The following CEP85L variants were observed in gnomAD, a reference collection of about 807,000 sequenced individuals.
CEP85L encodes the protein centrosomal protein 85L.
A neutral mutation model predicts 100.3 loss-of-function variants in CEP85L; 60 were observed. The observed-to-expected ratio is 0.60, with a 90% CI of 0.49 to 0.74. CEP85L has a LOEUF of 0.74. CEP85L is among the 30% of genes least tolerant of loss of function. The pLI is 0.00. For synonymous variants in CEP85L, 319 were observed against 322.7 expected (o/e 0.99, Z 0.12); for missense variants, 973 against 936.2 (o/e 1.04, Z -0.51).
intron 2 of CEP85L, among the ~76,000 whole-genome samples, chr6:118,594,884 A>C (rs1017793886): frequency 5.9e-5 from 9 of 151,532 alleles, no homozygotes; most frequent in African/African-American, 2.2e-4. Flanking sequence ...AACAAAACAA[A>C]AAAAAAAAAC....
At chr6:118,527,934 G>T (rs1374532881) in intron 3 of CEP85L, among the ~76,000 whole-genome samples, 1 of 151,906 alleles carries the variant, frequency 6.6e-6, no homozygotes, top group Non-Finnish European at 1.5e-5. Flanking sequence ...AAATCTTCTA[G>T]GCTAGATTAA....
intron 1 of CEP85L, among the ~76,000 whole-genome samples, chr6:118,649,109 TC>T (rs1775386307): frequency 6.6e-6 from 1 of 152,212 alleles, no homozygotes; most frequent in Non-Finnish European, 1.5e-5. Context: ...CACAAGTTTT[TC>T]ATCTAAGGTA....
chr6:118,572,272 TAAAAAAAAAA>T (rs572307069), intron 2 of CEP85L, among the ~76,000 whole-genome samples: 3 of 107,646 alleles, frequency 2.8e-5, no homozygotes, highest in African/African-American at 3.7e-5. Flanking sequence ...ACCCATTCTT[TAAAAAAAAAA>T]AAAAAAAAAA....
intron 3 of CEP85L, among the ~76,000 whole-genome samples, chr6:118,538,682 C>CA (rs1437485126): frequency 8.4e-6 from 1 of 119,306 alleles, no homozygotes; most frequent in Admixed American, 7.5e-5. Context: ...TTATCCAAGA[C>CA]AGACAGTAAC....
intron 10 of CEP85L, among the ~76,000 whole-genome samples, chr6:118,472,231 C>G (rs1161849423): frequency 6.6e-6 from 1 of 151,914 alleles, no homozygotes; most frequent in Non-Finnish European, 1.5e-5. Flanking sequence ...CTAATATGTC[C>G]CTATGTAAGA....
intron 3 of CEP85L, among the ~76,000 whole-genome samples, chr6:118,535,672 T>A (rs1378934049): frequency 2.0e-5 from 3 of 152,160 alleles, no homozygotes; most frequent in African/African-American, 4.8e-5. Flanking sequence ...GTATATGCTA[T>A]CCACCCACTG....
rs564032548 is a variant in CEP85L, at chr6:118,595,138, C to T, written c.233-28822G>A. On this transcript the variant is annotated intron_variant, in intron 2 of 12. Coordinates refer to ENST00000368491, the MANE Select transcript of CEP85L (RefSeq NM_001042475.3). ...CAAGTGCTGCATACTTCAAAAACAA[C>T]TTCCTCAAACTAATATCTGTGGCAA... Among the ~76,000 whole-genome samples, 7 of 152,316 alleles carry T rather than the reference C, an allele frequency of 4.6e-5. No individual in the cohort carries two copies. In the South Asian group the frequency reaches 1.5e-3, roughly 32 times the overall value.
chr6:118,597,060 C>T (rs2356499), intron 2 of CEP85L, among the ~76,000 whole-genome samples: 1 of 151,478 alleles, frequency 6.6e-6, no homozygotes, highest in African/African-American at 2.4e-5. Context: ...AAATTTTTTT[C>T]CCCCTTTGCT....
intron 1 of CEP85L, among the ~76,000 whole-genome samples, chr6:118,685,441 G>A (rs199552496): frequency 6.6e-5 from 10 of 152,156 alleles, no homozygotes; most frequent in East Asian, 5.8e-4. Context: ...AAGTATTTAC[G>A]TTGATATAAA....
rs56893664 is a variant in CEP85L at position 118,505,409 on chromosome 6, CAAAAAAAAA to C, written c.1257+5880_1257+5888del. ...TGAGCCAAGATCACGTCACTGTACT[CAAAAAAAAA>C]AAAAAAAAAAAAAAAAAAAAGTTAA... On this transcript the variant is annotated intron_variant, in intron 5 of 12. Coordinates refer to ENST00000368491, the MANE Select transcript of CEP85L (RefSeq NM_001042475.3). Among the ~76,000 whole-genome samples the C allele has an allele frequency of 7.4e-4, 53 of 71,820 alleles. 2 individuals are homozygous for C. The highest frequency in any genetic ancestry group is 2.3e-3 in the African/African-American group (41 of 18,060). 47.1% of individuals were successfully genotyped at this position (71,820 alleles called of 152,430 possible).
intron 4 of CEP85L, among the ~76,000 whole-genome samples, chr6:118,518,044 G>A (rs560502412): frequency 1.0e-3 from 158 of 152,272 alleles, no homozygotes; most frequent in African/African-American, 3.3e-3. Context: ...ATTGATATGC[G>A]TATGTTGAAC....
At chr6:118,581,923 A>G (rs979834257) in intron 2 of CEP85L, among the ~76,000 whole-genome samples, 1 of 152,160 alleles carries the variant, frequency 6.6e-6, no homozygotes, top group African/African-American at 2.4e-5. Context: ...TCCAACAGTT[A>G]GATCTTTTCT....
intron 2 of CEP85L, among the ~76,000 whole-genome samples, chr6:118,593,548 G>C (rs980916400): frequency 2.0e-5 from 3 of 151,846 alleles, no homozygotes; most frequent in Admixed American, 1.3e-4. Context: ...CCGCACTAGG[G>C]GGATGATGCT....
chr6:118,687,418 G>C (rs890899810), intron 1 of CEP85L, among the ~76,000 whole-genome samples: 1 of 152,168 alleles, frequency 6.6e-6, no homozygotes, highest in African/African-American at 2.4e-5. Context: ...GGCTGACTAA[G>C]AATCCCTAAG....
chr6:118,660,993 C>A (rs1246952387), intron 1 of CEP85L, among the ~76,000 whole-genome samples: 2 of 151,914 alleles, frequency 1.3e-5, no homozygotes, highest in Non-Finnish European at 2.9e-5. Context: ...TCAGGCAATT[C>A]TCCTGCCTCA....
At chr6:118,571,834 C>G (rs987783949) in intron 2 of CEP85L, among the ~76,000 whole-genome samples, 3 of 151,900 alleles carry the variant, frequency 2.0e-5, no homozygotes, top group Non-Finnish European at 4.4e-5. Context: ...ATTGTTAACC[C>G]TAACCACAAA....
chr6:118,636,119 T>TA (rs1424087617), intron 1 of CEP85L, among the ~76,000 whole-genome samples: 1 of 152,210 alleles, frequency 6.6e-6, no homozygotes. Flanking sequence ...TATGTTGTAA[T>TA]AAAACTTTAT....
chr6:118,550,338 T>A (rs1414457619), intron 3 of CEP85L, among the ~76,000 whole-genome samples: 2 of 151,776 alleles, frequency 1.3e-5, no homozygotes, highest in African/African-American at 2.4e-5. Context: ...ATTTTAATGT[T>A]TTAATGTACT....
At chr6:118,661,119 TC>T (rs1775960799) in intron 1 of CEP85L, among the ~76,000 whole-genome samples, 1 of 152,120 alleles carries the variant, frequency 6.6e-6, no homozygotes. Context: ...ACTCCTGACC[TC>T]ATTATCTGCC....
Sources: allele counts gnomAD v4.1 joint callset (sites outside exome capture counted in the v4.1 genomes callset), GRCh38; gene constraint gnomAD v4.1.1; transcripts MANE v1.5; gene names NCBI Gene and HGNC (gene_info 2026-07-23, HGNC 2026-07-21).